PACRG: variants seen among roughly 807,000 people sequenced by gnomAD.
PACRG encodes the protein parkin coregulated gene protein.
Under a neutral mutation model 29.7 loss-of-function variants are expected in PACRG, and 29 were observed. That is an observed-to-expected ratio of 0.98 (90% CI 0.73 to 1.33). The LOEUF (loss-of-function observed/expected upper bound fraction) is 1.33. Among genes scored for constraint, PACRG ranks in the 40% most tolerant of loss-of-function variants. The pLI is 0.00. For missense variants in PACRG, 279 were observed against 316.2 expected (o/e 0.88, Z 0.89); for synonymous variants, 116 against 118.7 (o/e 0.98, Z 0.15).
intron 2 of PACRG, among the ~76,000 whole-genome samples, chr6:162,936,969 C>T (rs1389927553): frequency 3.3e-5 from 5 of 151,914 alleles, no homozygotes; most frequent in Non-Finnish European, 7.4e-5. Context: ...ATAAGAGAAG[C>T]ATTTGAAAAA....
intron 4 of PACRG, among the ~76,000 whole-genome samples, chr6:163,232,058 G>T (rs113006029): frequency 2.6e-5 from 4 of 152,326 alleles, no homozygotes; most frequent in African/African-American, 9.6e-5. Context: ...CTTGAAGTGG[G>T]CACTGACTTG....
At position 163,131,693 on chromosome 6, in the gene PACRG, C is replaced by T. The variant is rs1223591473; in HGVS notation, c.613+42285C>T. Among the ~76,000 whole-genome samples the T allele has an allele frequency of 2.6e-5, 4 of 152,224 alleles. No homozygotes were observed. In the South Asian group the frequency reaches 8.3e-4, roughly 32 times the overall value. ...ATGTTAAGAGCCCTCAGCTGTGAAT[C>T]GGAGCGATCCTACCTCCCTCACCAC... On this transcript the variant is annotated intron_variant, in intron 4 of 4. Coordinates refer to ENST00000366888, the MANE Select transcript of PACRG (RefSeq NM_001080379.2).
intron 2 of PACRG, among the ~76,000 whole-genome samples, chr6:162,819,044 G>A (rs372694241): frequency 2.0e-5 from 3 of 152,220 alleles, no homozygotes; most frequent in African/African-American, 2.4e-5. Context: ...TGTCATGATG[G>A]TCCTTGTCCA....
At chr6:162,846,872 G>A (rs556328966) in intron 2 of PACRG, among the ~76,000 whole-genome samples, 21 of 135,006 alleles carry the variant, frequency 1.6e-4, no homozygotes, top group African/African-American at 5.4e-4. Context: ...CATGCTGACC[G>A]CTGCTCTCCA....
At chr6:163,262,190 G>A (rs1258096021) in intron 4 of PACRG, among the ~76,000 whole-genome samples, 5 of 152,188 alleles carry the variant, frequency 3.3e-5, no homozygotes, top group African/African-American at 9.7e-5. Context: ...TCACACTGTC[G>A]TGTTACTCAG....
chr6:163,144,251 G>GAAAAAAAA (rs1777692607), intron 4 of PACRG, among the ~76,000 whole-genome samples: 2 of 101,976 alleles, frequency 2.0e-5, no homozygotes, highest in African/African-American at 3.8e-5. Context: ...AAAAAAAAAG[G>GAAAAAAAA]GAAAAGTAGT....
At chr6:163,284,910 A>G (rs1223549886) in intron 4 of PACRG, among the ~76,000 whole-genome samples, 2 of 152,038 alleles carry the variant, frequency 1.3e-5, no homozygotes, top group East Asian at 1.9e-4. Context: ...CTGTTTTTTA[A>G]TTTTCCAAAA....
chr6:162,878,278 AAC>A (rs1295124776), intron 2 of PACRG, among the ~76,000 whole-genome samples: 7 of 152,222 alleles, frequency 4.6e-5, no homozygotes, highest in Non-Finnish European at 4.4e-5. Context: ...AAATTATAAC[AAC>A]AGTTTTTAAA....
At chr6:163,261,328 G>A (rs994342680) in intron 4 of PACRG, among the ~76,000 whole-genome samples, 2 of 152,084 alleles carry the variant, frequency 1.3e-5, no homozygotes, top group Non-Finnish European at 2.9e-5. Flanking sequence ...ATGTGCCATG[G>A]TGGTTTGCTG....
chr6:162,879,495 G>C (rs770068245), intron 2 of PACRG, among the ~76,000 whole-genome samples: 8 of 152,202 alleles, frequency 5.3e-5, no homozygotes, highest in Non-Finnish European at 8.8e-5. Context: ...GCAGGGGACA[G>C]TTGGTGCTAA....
chr6:163,152,708 T>C (rs950930404), intron 4 of PACRG, among the ~76,000 whole-genome samples: 2 of 152,242 alleles, frequency 1.3e-5, no homozygotes, highest in Non-Finnish European at 2.9e-5. Context: ...AAAATCTGCC[T>C]GCCTAGCAGC....
chr6:162,826,446 ATTTTTCT>A lies in PACRG; in HGVS notation c.291+12185_291+12191del, dbSNP rs1212308879. On this transcript the variant is annotated intron_variant, in intron 2 of 4. Coordinates refer to ENST00000366888, the MANE Select transcript of PACRG (RefSeq NM_001080379.2). ...TTCCTATTTCAGTACTGGAGTAAAGATTTTTCTTTTTTCTTTTTTCTTTTTTTTTTTT... is the reference window on the plus strand; with the variant it reads ...TTCCTATTTCAGTACTGGAGTAAAGATTTTTCTTTTTTCTTTTTTTTTTTT... Among the ~76,000 whole-genome samples the A allele has an allele frequency of 2.3e-3, 348 of 148,622 alleles. 6 individuals carry two copies. Among genetic ancestry groups the A allele is most frequent in the Admixed American group, 7.4e-4 (11 of 14,920 alleles).
intron 3 of PACRG, among the ~76,000 whole-genome samples, chr6:163,067,863 A>G (rs150214689): frequency 6.6e-6 from 1 of 152,228 alleles, no homozygotes; most frequent in East Asian, 1.9e-4. Flanking sequence ...TTCTAATACA[A>G]CTTGTTTTTC....
At chr6:163,183,640 C>T (rs1779776140) in intron 4 of PACRG, 2 of 152,104 alleles carry the variant, frequency 1.3e-5, no homozygotes, top group Admixed American at 1.3e-4. Flanking sequence ...TTTATACCTA[C>T]AGAGATGTAT....
intron 4 of PACRG, among the ~76,000 whole-genome samples, chr6:163,171,450 G>C (rs149585314): frequency 2.5e-3 from 384 of 152,272 alleles, no homozygotes; most frequent in African/African-American, 8.6e-3. Flanking sequence ...AGGTATGACT[G>C]TTCTGCCCAT....
chr6:163,159,446 C>T (rs1173242059), intron 4 of PACRG, among the ~76,000 whole-genome samples: 1 of 151,726 alleles, frequency 6.6e-6, no homozygotes, highest in Non-Finnish European at 1.5e-5. Context: ...TTATTCTACC[C>T]TTATTATAAT....
chr6:162,815,608 G>A (rs1303727496), intron 2 of PACRG, among the ~76,000 whole-genome samples: 6 of 151,594 alleles, frequency 4.0e-5, no homozygotes, highest in Non-Finnish European at 8.8e-5. Flanking sequence ...CTTTATAATA[G>A]TGTCTGTTAG....
At chr6:163,234,098 A>G (rs914933265) in intron 4 of PACRG, among the ~76,000 whole-genome samples, 1 of 152,192 alleles carries the variant, frequency 6.6e-6, no homozygotes, top group Non-Finnish European at 1.5e-5. Flanking sequence ...ATAGAAAGTG[A>G]CACAGAGCAG....
At chr6:162,968,908 G>C (rs888007678) in intron 2 of PACRG, among the ~76,000 whole-genome samples, 1 of 151,862 alleles carries the variant, frequency 6.6e-6, no homozygotes, top group African/African-American at 2.4e-5. Context: ...TTAGCTGGGC[G>C]TGGTGGCGGG....
Sources: allele counts gnomAD v4.1 joint callset (sites outside exome capture counted in the v4.1 genomes callset), GRCh38; gene constraint gnomAD v4.1.1; transcripts MANE v1.5; gene names NCBI Gene and HGNC (gene_info 2026-07-23, HGNC 2026-07-21).